The following BCL11A variants were observed in gnomAD, a reference collection of about 807,000 sequenced individuals.
BCL11A encodes B cell CLL/lymphoma 11A.
Under a neutral mutation model 55.9 loss-of-function variants are expected in BCL11A, and 2 were observed. The observed-to-expected ratio is 0.04, with a 90% CI of 0.01 to 0.11. The LOEUF (loss-of-function observed/expected upper bound fraction) is 0.11. Ranked by LOEUF, BCL11A falls within the 10% of genes least tolerant of loss-of-function variation. BCL11A has a pLI of 1.00. For synonymous variants in BCL11A, 465 were observed against 473.4 expected (o/e 0.98, Z 0.23); for missense variants, 817 against 1,137.1 (o/e 0.72, Z 4.05).
chr2:60,452,311 C>A, downstream of BCL11A: 1 of 372,604 alleles, frequency 2.7e-6, no homozygotes, highest in Non-Finnish European at 4.9e-6. Flanking sequence ...TCACTCATGA[C>A]AGCGATGGTC....
At chr2:60,522,519 C>T (rs1422479900) in intron 2 of BCL11A, 1 of 152,226 alleles carries the variant, frequency 6.6e-6, no homozygotes, top group Non-Finnish European at 1.5e-5. Flanking sequence ...AGAAAAGCTT[C>T]AGAGAATCAC....
intron 2 of BCL11A, chr2:60,484,009 T>C (rs1367691053): frequency 1.3e-5 from 2 of 152,240 alleles, no homozygotes; most frequent in Non-Finnish European, 2.9e-5. Flanking sequence ...TTACCGCGTA[T>C]GAGGGGTCTT....
At chr2:60,510,945 G>A (rs978226783) in intron 2 of BCL11A, among the ~76,000 whole-genome samples, 2 of 152,230 alleles carry the variant, frequency 1.3e-5, no homozygotes, top group East Asian at 1.9e-4. Context: ...AAAACCAAAC[G>A]AAAGTCTTTC....
At chr2:60,500,973 C>T (rs1170672434) in intron 2 of BCL11A, among the ~76,000 whole-genome samples, 2 of 152,146 alleles carry the variant, frequency 1.3e-5, no homozygotes, top group African/African-American at 4.8e-5. Context: ...GGCTTGCAAG[C>T]ATTTCTGGGT....
rs1676110583 is a variant in BCL11A at position 60,459,434 on chromosome 2, T to C, written c.*970A>G. The stretch of plus-strand genomic sequence containing the variant: ...AAAACAGCCCATTTCTTTTAAGCTC[T>C]CACCAGGAGCAAAGTAGCTTTTATA... On this transcript the variant is annotated 3_prime_UTR_variant, in exon 4 of 4. Coordinates refer to ENST00000642384, the MANE Select transcript of BCL11A (RefSeq NM_022893.4). 9.8e-7 allele frequency: 1 copy of C among 1,022,308 alleles called. No homozygotes were observed. 63.3% of individuals were successfully genotyped at this position (1,022,308 alleles called of 1,614,324 possible).
At position 60,459,728 on chromosome 2, in the gene BCL11A, T is replaced by TA; in HGVS notation, c.*675_*676insT. On this transcript the variant is annotated 3_prime_UTR_variant, in exon 4 of 4. Transcript: ENST00000642384. ...AGAATAAACTTGTTCTGTTTTTCTG[T>TA]TAATTTGTCAATTCAAGGCCTTTTT... The TA allele has an allele frequency of 9.6e-7, 1 of 1,038,644 alleles. No individual in the cohort carries two copies. The highest frequency in any genetic ancestry group is 4.6e-5 in the South Asian group (1 of 21,764). 64.3% of individuals were successfully genotyped at this position (1,038,644 alleles called of 1,614,324 possible).
At chr2:60,535,224 G>A (rs1669616065) in intron 2 of BCL11A, 2 of 152,192 alleles carry the variant, frequency 1.3e-5, no homozygotes, top group Admixed American at 6.5e-5. Context: ...ATGAGCTTTA[G>A]CAAATTATCA....
chr2:60,467,912 G>GTGGTGGTGA (rs1676918545), intron 3 of BCL11A, among the ~76,000 whole-genome samples: 20 of 96,740 alleles, frequency 2.1e-4, no homozygotes, highest in Non-Finnish European at 3.9e-4. Context: ...GGTAATGGTG[G>GTGGTGGTGA]TGGTGGTGGT....
intron 2 of BCL11A, chr2:60,534,508 G>C (rs986966439): frequency 6.6e-6 from 1 of 152,188 alleles, no homozygotes; most frequent in African/African-American, 2.4e-5. Context: ...TGCAATGTTC[G>C]TGGGGAACAG....
intron 2 of BCL11A, among the ~76,000 whole-genome samples, chr2:60,476,785 G>A (rs1300177459): frequency 6.6e-6 from 1 of 152,170 alleles, no homozygotes; most frequent in Non-Finnish European, 1.5e-5. Context: ...TTTAAATTCA[G>A]TGGGGGAGCT....
intron 2 of BCL11A, among the ~76,000 whole-genome samples, chr2:60,485,867 A>C (rs1228952798): frequency 6.6e-6 from 1 of 152,204 alleles, no homozygotes; most frequent in Non-Finnish European, 1.5e-5. Context: ...TCCCATCACC[A>C]GATAGCTCTT....
At chr2:60,493,172 T>C (rs1006929871) in intron 2 of BCL11A, among the ~76,000 whole-genome samples, 1 of 96,472 alleles carries the variant, frequency 1.0e-5, no homozygotes, top group African/African-American at 4.4e-5. Flanking sequence ...CTTTCATTCT[T>C]CTACTGTTGA....
chr2:60,550,578 C>A (rs998007149), intron 1 of BCL11A, among the ~76,000 whole-genome samples: 1 of 151,842 alleles, frequency 6.6e-6, no homozygotes, highest in Admixed American at 6.6e-5. Context: ...GGGGGTGGTA[C>A]TGAGGACCGG....
At chr2:60,452,275 T>C, downstream of BCL11A, 1 of 297,038 alleles carries the variant, frequency 3.4e-6, no homozygotes, top group Non-Finnish European at 6.3e-6. Flanking sequence ...GTAATTAGGT[T>C]GGCTGGTTTC....
chr2:60,501,937 C>T (rs1219026062), intron 2 of BCL11A, among the ~76,000 whole-genome samples: 1 of 152,098 alleles, frequency 6.6e-6, no homozygotes, highest in Non-Finnish European at 1.5e-5. Flanking sequence ...GCCTTTTATT[C>T]TAATTATTTT....
chr2:60,474,903 C>T (rs1677435856), intron 2 of BCL11A, among the ~76,000 whole-genome samples: 2 of 152,274 alleles, frequency 1.3e-5, no homozygotes, highest in South Asian at 2.1e-4. Flanking sequence ...ATTGCTCTAC[C>T]CCCATGTAGA....
intron 1 of BCL11A, chr2:60,549,695 C>T (rs1356193727): frequency 6.6e-6 from 1 of 152,248 alleles, no homozygotes; most frequent in Non-Finnish European, 1.5e-5. Context: ...GCTCGGCCAG[C>T]TCGGCCGCGG....
At position 60,460,389 on chromosome 2, in the gene BCL11A, G is replaced by A. The variant is rs779663540; in HGVS notation, c.*15C>T. On this transcript the variant is annotated 3_prime_UTR_variant, in exon 4 of 4. Coordinates refer to ENST00000642384, the MANE Select transcript of BCL11A (RefSeq NM_022893.4). ...GGGTGTCAGGTGGGAGTGAGGGAGG[G>A]GTATTAATATACCTCTATTCAGTTT... The A allele has an allele frequency of 6.4e-7, 1 of 1,572,614 alleles. No individual in the cohort carries two copies. The highest frequency in any genetic ancestry group is 1.7e-5 in the Admixed American group (1 of 58,338).
At chr2:60,523,401 G>A (rs1669076516) in intron 2 of BCL11A, among the ~76,000 whole-genome samples, 1 of 152,160 alleles carries the variant, frequency 6.6e-6, no homozygotes, top group Non-Finnish European at 1.5e-5. Flanking sequence ...GTCAGATTTT[G>A]ATGAAAAGTG....
Sources: allele counts gnomAD v4.1 joint callset (sites outside exome capture counted in the v4.1 genomes callset), GRCh38; gene constraint gnomAD v4.1.1; transcripts MANE v1.5; gene names NCBI Gene and HGNC (gene_info 2026-07-23, HGNC 2026-07-21).